Variants in RAB27A observed in about 807,000 individuals in gnomAD.
RAB27A encodes ras-related protein Rab-27A.
In RAB27A, 17 loss-of-function variants were observed where a neutral mutation model predicts 20.8. The observed-to-expected ratio is 0.82, with a 90% CI of 0.56 to 1.23. The LOEUF (loss-of-function observed/expected upper bound fraction) is 1.23. Among genes scored for constraint, RAB27A ranks in the 50% most tolerant of loss-of-function variants. The probability of loss-of-function intolerance (pLI) is 0.00; values close to 1 mark genes in which losing one functional copy is unlikely to be tolerated. For missense variants in RAB27A, 277 were observed against 266.7 expected (o/e 1.04, Z -0.27); for synonymous variants, 85 against 92.8 (o/e 0.92, Z 0.48).
intron 2 of RAB27A, among the ~76,000 whole-genome samples, chr15:55,256,991 G>C (rs1009614738): frequency 9.9e-5 from 15 of 152,186 alleles, no homozygotes; most frequent in Admixed American, 9.8e-4. Flanking sequence ...GGAATGGGAA[G>C]AAGGGGATCC....
chr15:55,244,494 T>C (rs1034003341), intron 2 of RAB27A, among the ~76,000 whole-genome samples: 1 of 152,008 alleles, frequency 6.6e-6, no homozygotes, highest in African/African-American at 2.4e-5. Context: ...GTTGTTGTTG[T>C]TGGGGGGAGA....
intron 1 of RAB27A, among the ~76,000 whole-genome samples, chr15:55,273,673 G>A (rs1432833852): frequency 6.6e-6 from 1 of 152,102 alleles, no homozygotes; most frequent in African/African-American, 2.4e-5. Context: ...TGGTGACAAG[G>A]AGGTGAATTC....
chr15:55,220,409 A>G (rs1895514510), intron 6 of RAB27A, among the ~76,000 whole-genome samples: 1 of 152,106 alleles, frequency 6.6e-6, no homozygotes, highest in African/African-American at 2.4e-5. Context: ...AGCTGGAATT[A>G]CAGGTGCCCG....
At chr15:55,219,082 G>A (rs1895446665) in intron 6 of RAB27A, among the ~76,000 whole-genome samples, 1 of 152,050 alleles carries the variant, frequency 6.6e-6, no homozygotes, top group Non-Finnish European at 1.5e-5. Context: ...CCTCAACTCT[G>A]AATCAAGAAC....
chr15:55,238,039 A>C (rs1383663818), intron 2 of RAB27A: 1 of 152,194 alleles, frequency 6.6e-6, no homozygotes, highest in African/African-American at 2.4e-5. Flanking sequence ...ATACTGACCA[A>C]GTAATCATAA....
At chr15:55,234,487 G>T (rs541003093) in intron 3 of RAB27A, among the ~76,000 whole-genome samples, 2 of 152,292 alleles carry the variant, frequency 1.3e-5, no homozygotes, top group South Asian at 4.1e-4. Flanking sequence ...CAGGCTTCAA[G>T]ACAAAGGTAG....
At chr15:55,249,394 C>T (rs1485294701) in intron 2 of RAB27A, among the ~76,000 whole-genome samples, 1 of 152,128 alleles carries the variant, frequency 6.6e-6, no homozygotes, top group African/African-American at 2.4e-5. Context: ...CTCACCTCAG[C>T]CTCCTAAGTA....
chr15:55,302,334 C>T (rs555712859), intron 2 of RAB27A, among the ~76,000 whole-genome samples: 57 of 152,214 alleles, frequency 3.7e-4, no homozygotes, highest in African/African-American at 1.1e-3. Context: ...CCTCGGCCTC[C>T]CGAGGTGCCG....
In RAB27A at chr15:55,306,388, T is replaced by C. The variant is rs569444586; in HGVS notation, c.-112+7651A>G. Among the ~76,000 whole-genome samples, 5 of 152,296 alleles carry C rather than the reference T, an allele frequency of 3.3e-5. No homozygotes were observed. The South Asian group carries it at 1.0e-3, about 32-fold the overall frequency. On this transcript the variant is annotated intron_variant, in intron 2 of 5. Transcript: ENST00000563262. Reference sequence around the variant, plus strand: ...CAGTGAGGGTGGTATTAAATAGGCTTACCAGGCGAGTATGGGTACGGAGGG... The same window carrying C: ...CAGTGAGGGTGGTATTAAATAGGCTCACCAGGCGAGTATGGGTACGGAGGG...
At chr15:55,285,734 G>T (rs987583361) in intron 1 of RAB27A, among the ~76,000 whole-genome samples, 5 of 152,112 alleles carry the variant, frequency 3.3e-5, no homozygotes, top group African/African-American at 1.2e-4. Context: ...CTTCTCAGGG[G>T]CCTGGCCAAC....
Position 55,259,366 on chromosome 15 carries a change from G to C in RAB27A, c.-23+10799C>G, listed in dbSNP as rs113209521. 2.4e-3 allele frequency among the ~76,000 whole-genome samples: 359 copies of C among 151,752 alleles called. 1 individual carries two copies. Among genetic ancestry groups the C allele is most frequent in the African/African-American group, 8.2e-3 (339 of 41,346 alleles). On this transcript the variant is annotated intron_variant, in intron 2 of 6. Coordinates refer to ENST00000336787, the MANE Select transcript of RAB27A (RefSeq NM_183235.3). ...AATGGCACAATCATAGCTCACTACA[G>C]CCTCAACTTCTCAGGCTCAAGTGAT...
chr15:55,245,090 G>A (rs1896637428), intron 2 of RAB27A, among the ~76,000 whole-genome samples: 1 of 152,142 alleles, frequency 6.6e-6, no homozygotes, highest in South Asian at 2.1e-4. Flanking sequence ...TATGAGTAGG[G>A]ACACTTGTAT....
At chr15:55,276,256 T>C (rs1397268477) in intron 1 of RAB27A, among the ~76,000 whole-genome samples, 2 of 152,158 alleles carry the variant, frequency 1.3e-5, no homozygotes, top group South Asian at 2.1e-4. Flanking sequence ...ATGTGGTCTA[T>C]ACATACAATG....
At chr15:55,256,340 A>G (rs540037787) in intron 2 of RAB27A, among the ~76,000 whole-genome samples, 13 of 152,248 alleles carry the variant, frequency 8.5e-5, no homozygotes, top group Admixed American at 8.5e-4. Flanking sequence ...CTTGAGCCCA[A>G]GAGTTCAAGG....
chr15:55,318,075 A>G (rs1361200108), intron 1 of RAB27A, among the ~76,000 whole-genome samples: 1 of 151,600 alleles, frequency 6.6e-6, no homozygotes, highest in Non-Finnish European at 1.5e-5. Context: ...AATGTTCTCA[A>G]TGGTTTTAAA....
chr15:55,270,582 C>T (rs1897675508), intron 1 of RAB27A, among the ~76,000 whole-genome samples: 1 of 152,182 alleles, frequency 6.6e-6, no homozygotes, highest in East Asian at 1.9e-4. Flanking sequence ...TTCCGCCCAC[C>T]TACCCCGTGA....
chr15:55,224,312 T>C (rs1371729747), intron 5 of RAB27A, among the ~76,000 whole-genome samples: 41 of 152,214 alleles, frequency 2.7e-4, no homozygotes, highest in Non-Finnish European at 1.0e-4. Context: ...CACACACACA[T>C]ACAAAACACC....
Position 55,209,901 on chromosome 15 carries a change from T to C in RAB27A, c.468-4196A>G, listed in dbSNP as rs539271243. On this transcript the variant is annotated intron_variant, in intron 6 of 6. Transcript: ENST00000336787. ...ATGTGTGTGTATACATATATACACATATGTGTGTGTATGTATATACACACA... is the reference window on the plus strand; with the variant it reads ...ATGTGTGTGTATACATATATACACACATGTGTGTGTATGTATATACACACA... Among the ~76,000 whole-genome samples, 813 of 107,888 alleles carry C rather than the reference T, an allele frequency of 7.5e-3. 191 individuals are homozygous for C. The highest frequency in any genetic ancestry group is 0.044 in the African/African-American group (762 of 17,410). 70.8% of individuals were successfully genotyped at this position (107,888 alleles called of 152,430 possible).
At chr15:55,313,023 A>G (rs1397203014) in intron 2 of RAB27A, among the ~76,000 whole-genome samples, 1 of 152,200 alleles carries the variant, frequency 6.6e-6, no homozygotes, top group African/African-American at 2.4e-5. Context: ...GAAGACACAA[A>G]CAACAGAATT....
Sources: allele counts gnomAD v4.1 joint callset (sites outside exome capture counted in the v4.1 genomes callset), GRCh38; gene constraint gnomAD v4.1.1; transcripts MANE v1.5; gene names NCBI Gene and HGNC (gene_info 2026-07-23, HGNC 2026-07-21).